The following GPC6 variants were observed in gnomAD, a reference collection of about 807,000 sequenced individuals.
The protein encoded by GPC6 is glypican-6.
In GPC6, 14 loss-of-function variants were observed where a neutral mutation model predicts 55.2. The observed-to-expected ratio is 0.25, with a 90% confidence interval of 0.17 to 0.40. The LOEUF (loss-of-function observed/expected upper bound fraction) is 0.40. Among genes scored for constraint, GPC6 ranks in the 10% least tolerant of loss-of-function variants. The probability of loss-of-function intolerance (pLI) is 1.00; values close to 1 mark genes in which losing one functional copy is unlikely to be tolerated. For synonymous variants in GPC6, 278 were observed against 259.6 expected (o/e 1.07, Z -0.68); for missense variants, 641 against 708.5 (o/e 0.90, Z 1.08).
At chr13:94,098,442 A>G (rs1885740497) in intron 4 of GPC6, among the ~76,000 whole-genome samples, 1 of 152,184 alleles carries the variant, frequency 6.6e-6, no homozygotes. Flanking sequence ...ATATTAATAA[A>G]TTTTAAGAAT....
At chr13:94,215,087 T>G (rs1890188369) in intron 4 of GPC6, among the ~76,000 whole-genome samples, 1 of 152,218 alleles carries the variant, frequency 6.6e-6, no homozygotes, top group South Asian at 2.1e-4. Flanking sequence ...CGCTCACGCA[T>G]GGACACACAG....
intron 1 of GPC6, among the ~76,000 whole-genome samples, chr13:93,300,710 T>C (rs1452086872): frequency 1.3e-5 from 2 of 151,230 alleles, no homozygotes; most frequent in African/African-American, 4.9e-5. Context: ...GTATCAGTTC[T>C]TTCCTTTATA....
At chr13:93,523,249 A>C (rs919732150) in intron 1 of GPC6, among the ~76,000 whole-genome samples, 2 of 150,508 alleles carry the variant, frequency 1.3e-5, no homozygotes, top group Admixed American at 1.3e-4. Context: ...GTACATATAC[A>C]CATATATGGA....
chr13:94,272,470 T>C (rs1364865481), intron 4 of GPC6, among the ~76,000 whole-genome samples: 9 of 127,634 alleles, frequency 7.1e-5, no homozygotes, highest in East Asian at 2.1e-4. Flanking sequence ...TTTCTTTTTT[T>C]TTTTTTTTTT....
At chr13:94,109,599 C>T (rs1298768661) in intron 4 of GPC6, among the ~76,000 whole-genome samples, 15 of 152,064 alleles carry the variant, frequency 9.9e-5, no homozygotes, top group South Asian at 2.1e-4. Flanking sequence ...TAAGCAAAAA[C>T]GCTACTATTT....
At position 93,972,921 on chromosome 13, in the gene GPC6, C is replaced by G. The variant is rs1316514160; in HGVS notation, c.712-54808C>G. 3.3e-5 allele frequency among the ~76,000 whole-genome samples: 5 copies of G among 151,864 alleles called. No homozygotes were observed. In the East Asian group the frequency reaches 5.8e-4, roughly 18 times the overall value. On this transcript the variant is annotated intron_variant, in intron 3 of 8. Coordinates refer to ENST00000377047, the MANE Select transcript of GPC6 (RefSeq NM_005708.5). ...TCTCTCTTTCTCTCTCTCTCTCTGT[C>G]TCTCTGTCTCTCTCTCTCTCTCTGT...
At chr13:94,098,906 A>G (rs1885755505) in intron 4 of GPC6, among the ~76,000 whole-genome samples, 2 of 152,174 alleles carry the variant, frequency 1.3e-5, no homozygotes, top group Non-Finnish European at 2.9e-5. Flanking sequence ...GTCAGTATGT[A>G]TATTGTGTGG....
intron 1 of GPC6, among the ~76,000 whole-genome samples, chr13:93,324,972 T>G (rs1481791586): frequency 1.3e-5 from 2 of 152,138 alleles, no homozygotes; most frequent in Non-Finnish European, 2.9e-5. Context: ...GCGTGAAACC[T>G]ACCCCTCTAA....
chr13:94,002,692 G>A (rs1376062773), intron 3 of GPC6, among the ~76,000 whole-genome samples: 1 of 151,654 alleles, frequency 6.6e-6, no homozygotes, highest in East Asian at 1.9e-4. Flanking sequence ...TTCAGAAGGT[G>A]AAAAAAAACT....
chr13:93,688,458 T>A (rs1282463019), intron 2 of GPC6, among the ~76,000 whole-genome samples: 1 of 152,208 alleles, frequency 6.6e-6, no homozygotes, highest in Non-Finnish European at 1.5e-5. Flanking sequence ...GAGCGTTAGA[T>A]ATGTGTGCAC....
intron 1 of GPC6, among the ~76,000 whole-genome samples, chr13:93,440,448 G>A (rs572086802): frequency 6.6e-6 from 1 of 152,068 alleles, no homozygotes; most frequent in East Asian, 1.9e-4. Flanking sequence ...TTTCTTGCAG[G>A]AAAAGCTGAA....
chr13:94,151,875 A>T (rs1430819934), intron 4 of GPC6, among the ~76,000 whole-genome samples: 1 of 152,184 alleles, frequency 6.6e-6, no homozygotes, highest in Non-Finnish European at 1.5e-5. Context: ...TAGTGGAAAT[A>T]AAAATATATA....
intron 2 of GPC6, among the ~76,000 whole-genome samples, chr13:93,762,329 A>C (rs969810564): frequency 1.3e-5 from 2 of 152,198 alleles, no homozygotes; most frequent in African/African-American, 4.8e-5. Context: ...AAACCAGGAA[A>C]TTTCGTTGAT....
intron 3 of GPC6, among the ~76,000 whole-genome samples, chr13:94,005,094 C>T (rs1216696721): frequency 1.3e-5 from 2 of 152,026 alleles, no homozygotes; most frequent in Non-Finnish European, 2.9e-5. Context: ...GAATGGACAT[C>T]AGGTACACAT....
At chr13:93,844,187 G>A (rs868788907) in intron 3 of GPC6, among the ~76,000 whole-genome samples, 4 of 152,040 alleles carry the variant, frequency 2.6e-5, no homozygotes, top group Admixed American at 1.3e-4. Flanking sequence ...TCACCAGGCT[G>A]GAGTGCAATG....
chr13:94,028,654 C>T (rs906966750), intron 4 of GPC6, among the ~76,000 whole-genome samples: 1 of 152,174 alleles, frequency 6.6e-6, no homozygotes, highest in Non-Finnish European at 1.5e-5. Flanking sequence ...TTTTCTATCT[C>T]ATTCTGTGGA....
chr13:93,758,489 T>C (rs1884852418), intron 2 of GPC6, among the ~76,000 whole-genome samples: 1 of 152,182 alleles, frequency 6.6e-6, no homozygotes, highest in South Asian at 2.1e-4. Flanking sequence ...TTGATTTATA[T>C]ACATATCAAT....
intron 1 of GPC6, among the ~76,000 whole-genome samples, chr13:93,388,329 C>G (rs916631953): frequency 6.6e-6 from 1 of 152,206 alleles, no homozygotes; most frequent in African/African-American, 2.4e-5. Context: ...CCTGAAGCAT[C>G]TTTCTGGGTC....
At chr13:94,255,677 C>T (rs72647605) in intron 4 of GPC6, among the ~76,000 whole-genome samples, 3,640 of 152,194 alleles carry the variant, frequency 0.024, 76 homozygotes, top group Middle Eastern at 0.061. Context: ...CAGCTCCAGC[C>T]AGGACAGCAG....
Sources: allele counts gnomAD v4.1 joint callset (sites outside exome capture counted in the v4.1 genomes callset), GRCh38; gene constraint gnomAD v4.1.1; transcripts MANE v1.5; gene names NCBI Gene and HGNC (gene_info 2026-07-23, HGNC 2026-07-21).